The following ZFYVE9 variants were observed in gnomAD, a reference collection of about 807,000 sequenced individuals.
ZFYVE9 encodes the protein zinc finger FYVE domain-containing protein 9.
A neutral mutation model predicts 126.7 loss-of-function variants in ZFYVE9; 43 were observed. The observed-to-expected ratio is 0.34, with a 90% CI of 0.27 to 0.44. The LOEUF (loss-of-function observed/expected upper bound fraction) is 0.44, where lower values mean the gene tolerates loss of function less well. Ranked by LOEUF, ZFYVE9 falls within the 20% of genes least tolerant of loss-of-function variation. The pLI, the probability that ZFYVE9 is intolerant of heterozygous loss-of-function variation, is 1.00. For missense variants in ZFYVE9, 1,476 were observed against 1,697.0 expected (o/e 0.87, Z 2.29); for synonymous variants, 521 against 597.4 (o/e 0.87, Z 1.87).
At chr1:52,246,079 C>G (rs1383902807) in intron 4 of ZFYVE9, among the ~76,000 whole-genome samples, 2 of 152,074 alleles carry the variant, frequency 1.3e-5, no homozygotes, top group African/African-American at 4.8e-5. Context: ...AGGCACACAC[C>G]ACCACACCCA....
chr1:52,322,206 A>G (rs1231387995), intron 13 of ZFYVE9, among the ~76,000 whole-genome samples: 1 of 152,260 alleles, frequency 6.6e-6, no homozygotes, highest in Admixed American at 6.5e-5. Context: ...AGACAAATCT[A>G]TCAGGAAATT....
intron 1 of ZFYVE9, among the ~76,000 whole-genome samples, chr1:52,152,054 A>G (rs1019580055): frequency 1.3e-5 from 2 of 151,772 alleles, no homozygotes; most frequent in African/African-American, 4.8e-5. Context: ...CAGTGGCACC[A>G]TCTTGGTTAA....
intron 1 of ZFYVE9, among the ~76,000 whole-genome samples, chr1:52,186,157 T>C (rs1193523740): frequency 2.0e-5 from 3 of 151,358 alleles, no homozygotes; most frequent in South Asian, 2.1e-4. Flanking sequence ...GGAGAATTGC[T>C]TGAACCTGGG....
chr1:52,237,654 C>T lies in ZFYVE9; in HGVS notation c.237C>T (p.Pro79=), dbSNP rs1645286113. ...LKVFSLAHSA[P]LTTEEEDHCA... ...TCTTCTCCCTGGCTCATTCAGCTCC[C>T]CTGACCACAGAGGAAGAGGATCACT... is the stretch of plus-strand genomic sequence containing the variant. The change falls in exon 4 of 19, where the codon CCC becomes CCT. Residue 79 remains proline, a synonymous_variant. Coordinates refer to ENST00000287727, the MANE Select transcript of ZFYVE9 (RefSeq NM_004799.4). The T allele has an allele frequency of 1.2e-6, 2 of 1,613,970 alleles. No individual in the cohort carries two copies. Among genetic ancestry groups the T allele is most frequent in the East Asian group, 2.2e-5 (1 of 44,890 alleles).
intron 1 of ZFYVE9, among the ~76,000 whole-genome samples, chr1:52,201,634 C>T (rs955928167): frequency 2.0e-5 from 3 of 151,920 alleles, no homozygotes; most frequent in Non-Finnish European, 4.4e-5. Flanking sequence ...CTGCCTCAGC[C>T]TCCCAAAGTG....
chr1:52,325,540 A>C (rs906164150), intron 13 of ZFYVE9, among the ~76,000 whole-genome samples: 1 of 152,064 alleles, frequency 6.6e-6, no homozygotes, highest in African/African-American at 2.4e-5. Context: ...CAAAAACAGA[A>C]ACTTATTTTA....
At chr1:52,269,776 TTTTG>T (rs1645670775) in intron 7 of ZFYVE9, among the ~76,000 whole-genome samples, 3 of 151,974 alleles carry the variant, frequency 2.0e-5, no homozygotes, top group Non-Finnish European at 4.4e-5. Context: ...CCAACTGTTT[TTTTG>T]TTTGTTTGTT....
chr1:52,300,905 G>A (rs1258231756), intron 12 of ZFYVE9, among the ~76,000 whole-genome samples: 3 of 150,790 alleles, frequency 2.0e-5, no homozygotes, highest in Non-Finnish European at 4.4e-5. Context: ...TTTCACCCAG[G>A]TTGTAGTGCA....
At chr1:52,144,061 G>A (rs1182190631) in intron 1 of ZFYVE9, among the ~76,000 whole-genome samples, 2 of 152,112 alleles carry the variant, frequency 1.3e-5, no homozygotes, top group Non-Finnish European at 2.9e-5. Flanking sequence ...GTCCTGCTTG[G>A]GCAACGTAAG....
chr1:52,284,066 T>TTCC (rs1645830520), intron 10 of ZFYVE9, among the ~76,000 whole-genome samples: 1 of 152,186 alleles, frequency 6.6e-6, no homozygotes, highest in East Asian at 1.9e-4. Context: ...TGGCCTCAGA[T>TTCC]TCCTCGCTTG....
intron 13 of ZFYVE9, among the ~76,000 whole-genome samples, chr1:52,331,763 G>A (rs1005104766): frequency 6.7e-5 from 10 of 149,698 alleles, no homozygotes; most frequent in African/African-American, 2.5e-4. Context: ...AAAAAAAAAG[G>A]TGTCAAACTC....
intron 18 of ZFYVE9, chr1:52,345,783 C>T: frequency 6.9e-6 from 2 of 289,784 alleles, no homozygotes; most frequent in South Asian, 2.9e-4. Flanking sequence ...ATTTCTGATA[C>T]TCCATACCTT....
intron 6 of ZFYVE9, 120 bp from the exon 7 acceptor site, chr1:52,268,343 T>C (rs946486548): frequency 8.1e-6 from 8 of 991,956 alleles, no homozygotes; most frequent in African/African-American, 1.6e-5. Context: ...ATGTTTCTGA[T>C]TGTAAGTTGC....
In ZFYVE9 at chr1:52,142,448, GCCTGTGGGGGC is replaced by G. The variant is rs1244221319; in HGVS notation, c.-143+50_-143+60del. 2 of 152,030 alleles carry G rather than the reference GCCTGTGGGGGC, an allele frequency of 1.3e-5. No individual in the cohort carries two copies. Among genetic ancestry groups the G allele is most frequent in the African/African-American group, 4.8e-5 (2 of 41,434 alleles). 9.4% of individuals were successfully genotyped at this position (152,030 alleles called of 1,614,324 possible). Reference sequence around the variant, plus strand: ...GTCCGGGGCTCGCCGGCCTCCCGCCGCCTGTGGGGGCCCTGGCGGCAGACCGCGGGCCGGGC... The same window carrying G: ...GTCCGGGGCTCGCCGGCCTCCCGCCGCCTGGCGGCAGACCGCGGGCCGGGC... On this transcript the variant is annotated intron_variant, in intron 1 of 18. Coordinates refer to ENST00000287727, the MANE Select transcript of ZFYVE9 (RefSeq NM_004799.4). The surrounding 1 kb of genome is among the most constrained non-coding windows in gnomAD (Gnocchi z 4.5).
At position 52,318,368 on chromosome 1, in the gene ZFYVE9, GTA is replaced by G. The variant is rs1310694924; in HGVS notation, c.3439-14398_3439-14397del. 5.1e-3 allele frequency among the ~76,000 whole-genome samples: 396 copies of G among 78,324 alleles called. 1 individual carries two copies. The highest frequency in any genetic ancestry group is 0.017 in the East Asian group (31 of 1,778). The allele number at this position is 78,324 out of a possible 152,430, so 51.4% of individuals were successfully genotyped here. On this transcript the variant is annotated intron_variant, in intron 13 of 18. Transcript: ENST00000287727. ...ATTCAAGATTAGAGAGAGCATGATTGTATGTGTGTGTGTGTGTGTGTGTGTGT... is the reference window on the plus strand; with the variant it reads ...ATTCAAGATTAGAGAGAGCATGATTGTGTGTGTGTGTGTGTGTGTGTGTGT...
At position 52,255,373 on chromosome 1, in the gene ZFYVE9, C is replaced by T. The variant is rs915314645; in HGVS notation, c.2179-8400C>T. ...CTGAGGCGGGCGGATCACCAGAGGT[C>T]GGGAGTTCAAGACCAGCCTGACCGA... On this transcript the variant is annotated intron_variant, in intron 4 of 18. Transcript: ENST00000287727. Among the ~76,000 whole-genome samples, 4 of 151,770 alleles carry T rather than the reference C, an allele frequency of 2.6e-5. No homozygotes were observed. In the East Asian group the frequency reaches 5.8e-4, roughly 22 times the overall value.
Position 52,341,335 on chromosome 1 carries a change from C to T in ZFYVE9, c.3939+1104C>T, listed in dbSNP as rs181725551. 1.5e-3 allele frequency among the ~76,000 whole-genome samples: 224 copies of T among 152,326 alleles called. 1 individual carries two copies. The highest frequency in any genetic ancestry group is 3.7e-3 in the Admixed American group (57 of 15,300). ...AACCCAGATCTGGCCAACTCCTAAG[C>T]TCTTTCCCACTGTATTAATTTGCTC... On this transcript the variant is annotated intron_variant, in intron 17 of 18. Coordinates refer to ENST00000287727, the MANE Select transcript of ZFYVE9 (RefSeq NM_004799.4).
intron 4 of ZFYVE9, among the ~76,000 whole-genome samples, chr1:52,260,285 A>G (rs746542489): frequency 6.6e-6 from 1 of 152,098 alleles, no homozygotes; most frequent in African/African-American, 2.4e-5. Flanking sequence ...GGTATTTACT[A>G]TATCTGTTGG....
chr1:52,299,748 G>T (rs1292595738), intron 12 of ZFYVE9, among the ~76,000 whole-genome samples: 1 of 152,226 alleles, frequency 6.6e-6, no homozygotes, highest in East Asian at 1.9e-4. Flanking sequence ...GTGTGTTGTG[G>T]ACTGACAGTG....
Sources: gnomAD v4.1 joint callset for allele counts (sites outside exome capture counted in the v4.1 genomes callset) on GRCh38, gnomAD v4.1.1 for gene constraint, Gnocchi (gnomAD v3.1) non-coding constraint, MANE v1.5 for transcripts, NCBI Gene and HGNC (gene_info 2026-07-23, HGNC 2026-07-21) for gene names.